TYR: variants seen among roughly 807,000 people sequenced by gnomAD.
TYR encodes the protein LB24-AB.
A neutral mutation model predicts 51.5 loss-of-function variants in TYR; 58 were observed. The ratio of observed to expected loss-of-function variants is 1.13; its 90% confidence interval spans 0.91 to 1.40. The LOEUF (loss-of-function observed/expected upper bound fraction) is 1.40, where lower values mean the gene tolerates loss of function less well. Among genes scored for constraint, TYR ranks in the 40% most tolerant of loss-of-function variants. TYR has a pLI of 0.00. For synonymous variants in TYR, 263 were observed against 235.2 expected (o/e 1.12, Z -1.08); for missense variants, 732 against 647.4 (o/e 1.13, Z -1.42).
chr11:89,255,151 T>A (rs2135302485), intron 3 of TYR, among the ~76,000 whole-genome samples: 1 of 151,936 alleles, frequency 6.6e-6, no homozygotes, highest in African/African-American at 2.4e-5. Flanking sequence ...TGATTTCCAA[T>A]TTTATTCCAC....
intron 2 of TYR, among the ~76,000 whole-genome samples, chr11:89,195,750 A>G (rs16912966): frequency 6.6e-6 from 1 of 152,114 alleles, no homozygotes; most frequent in Non-Finnish European, 1.5e-5. Flanking sequence ...AGTCTGTATT[A>G]TAAGAAGTTT....
At chr11:89,278,923 G>A (rs1249307603) in intron 3 of TYR, among the ~76,000 whole-genome samples, 1 of 151,670 alleles carries the variant, frequency 6.6e-6, no homozygotes, top group African/African-American at 2.4e-5. Flanking sequence ...ACTTCGAGGA[G>A]TACTGCTCAG....
chr11:89,223,680 G>T (rs528568723), intron 2 of TYR, among the ~76,000 whole-genome samples: 1 of 151,848 alleles, frequency 6.6e-6, no homozygotes, highest in African/African-American at 2.4e-5. Context: ...TTTGATTATC[G>T]GAAATCAAAA....
chr11:89,268,864 A>T (rs1179838745), intron 3 of TYR, among the ~76,000 whole-genome samples: 1 of 151,814 alleles, frequency 6.6e-6, no homozygotes, highest in African/African-American at 2.4e-5. Flanking sequence ...CAATTACATC[A>T]GTGCCCAGGG....
chr11:89,206,066 A>G (rs1055532255), intron 2 of TYR, among the ~76,000 whole-genome samples: 1 of 152,108 alleles, frequency 6.6e-6, no homozygotes, highest in African/African-American at 2.4e-5. Flanking sequence ...ATTTGTAAAC[A>G]TTTTCAAGCA....
chr11:89,275,299 C>T (rs1466614211), intron 3 of TYR, among the ~76,000 whole-genome samples: 1 of 151,842 alleles, frequency 6.6e-6, no homozygotes. Context: ...TGGAACAAAA[C>T]ATGAAAGCCT....
chr11:89,267,336 G>A (rs1944537782), intron 3 of TYR, among the ~76,000 whole-genome samples: 1 of 151,830 alleles, frequency 6.6e-6, no homozygotes, highest in African/African-American at 2.4e-5. Flanking sequence ...TCAGATACAC[G>A]TTCTTGGTCT....
intron 2 of TYR, among the ~76,000 whole-genome samples, chr11:89,223,751 A>G (rs1591165786): frequency 1.3e-5 from 2 of 152,162 alleles, no homozygotes; most frequent in Admixed American, 1.3e-4. Flanking sequence ...CAATATATAC[A>G]TTATTTAAAA....
intron 3 of TYR, among the ~76,000 whole-genome samples, chr11:89,240,192 C>T (rs1406899961): frequency 2.6e-5 from 4 of 152,084 alleles, no homozygotes; most frequent in African/African-American, 4.8e-5. Flanking sequence ...CCCTGGCAAA[C>T]GTTTACCTAC....
intron 2 of TYR, among the ~76,000 whole-genome samples, chr11:89,198,069 G>A (rs892109950): frequency 6.6e-6 from 1 of 151,926 alleles, no homozygotes; most frequent in African/African-American, 2.4e-5. Context: ...GAGAAACAAG[G>A]GAAGTTTTGA....
At chr11:89,192,620 A>G (rs1943460547) in intron 2 of TYR, among the ~76,000 whole-genome samples, 1 of 152,034 alleles carries the variant, frequency 6.6e-6, no homozygotes. Flanking sequence ...AGGGTCTTAC[A>G]TCCAGAATCA....
intron 2 of TYR, among the ~76,000 whole-genome samples, chr11:89,211,841 A>G (rs2135269855): frequency 1.3e-5 from 2 of 152,300 alleles, no homozygotes; most frequent in South Asian, 2.1e-4. Context: ...CTGCTCCTAA[A>G]TGACTGCTGG....
chr11:89,181,208 G>T (rs1218513595), intron 1 of TYR, among the ~76,000 whole-genome samples: 1 of 152,106 alleles, frequency 6.6e-6, no homozygotes, highest in East Asian at 1.9e-4. Context: ...TAGAGATGGG[G>T]TTTCACCCTG....
At chr11:89,275,953 A>C (rs1283581899) in intron 3 of TYR, among the ~76,000 whole-genome samples, 1 of 151,902 alleles carries the variant, frequency 6.6e-6, no homozygotes, top group African/African-American at 2.4e-5. Context: ...TTTCAGCTAA[A>C]GTTGATTTAA....
intron 2 of TYR, among the ~76,000 whole-genome samples, chr11:89,193,371 G>A (rs1394273698): frequency 6.6e-6 from 1 of 151,776 alleles, no homozygotes; most frequent in African/African-American, 2.4e-5. Context: ...TCAGCCAGTG[G>A]TTTTCAAGTG....
chr11:89,218,640 A>G (rs560742600), intron 2 of TYR, among the ~76,000 whole-genome samples: 2 of 152,238 alleles, frequency 1.3e-5, no homozygotes, highest in East Asian at 3.8e-4. Flanking sequence ...TCTGTAATTA[A>G]TAACAACAGT....
At chr11:89,197,001 T>C (rs1016692078) in intron 2 of TYR, among the ~76,000 whole-genome samples, 2 of 152,168 alleles carry the variant, frequency 1.3e-5, no homozygotes, top group Non-Finnish European at 2.9e-5. Flanking sequence ...AAAATGGTAA[T>C]TGATATAAAA....
chr11:89,295,461 T>G lies in TYR; in HGVS notation c.*95T>G, dbSNP rs923324641. The G allele has an allele frequency of 1.7e-5, 26 of 1,519,324 alleles. No homozygotes were observed. The allele number at this position is 1,519,324 out of a possible 1,614,324, so 94.1% of individuals were successfully genotyped here. A position where few individuals can be genotyped will look rare whatever the true frequency, so the allele number is the denominator to read the frequency against. On this transcript the variant is annotated 3_prime_UTR_variant, in exon 5 of 5. Coordinates refer to ENST00000263321, the MANE Select transcript of TYR (RefSeq NM_000372.5). ...CAGAGAATATCTGCTGGTATTTTTC[T>G]GTAAAGACCATTTGCAAAATTGTAA...
chr11:89,245,518 G>A (rs922981348), intron 3 of TYR, among the ~76,000 whole-genome samples: 1 of 152,220 alleles, frequency 6.6e-6, no homozygotes, highest in Non-Finnish European at 1.5e-5. Context: ...TTGAACACTA[G>A]TCAAGCAGTG....
Sources: allele counts gnomAD v4.1 joint callset (sites outside exome capture counted in the v4.1 genomes callset), GRCh38; gene constraint gnomAD v4.1.1; transcripts MANE v1.5; gene names NCBI Gene and HGNC (gene_info 2026-07-23, HGNC 2026-07-21).